The following BICRA variants were observed in gnomAD, a reference collection of about 807,000 sequenced individuals.
The protein encoded by BICRA is BRD4-interacting chromatin-remodeling complex-associated protein.
BICRA carries 31 observed loss-of-function variants against 96.9 expected under a neutral mutation model. The observed-to-expected ratio is 0.32, with a 90% CI of 0.24 to 0.43. BICRA has a LOEUF of 0.43. Ranked by LOEUF, BICRA falls within the 20% of genes least tolerant of loss-of-function variation. The pLI is 1.00. For missense variants in BICRA, 2,283 were observed against 2,190.3 expected (o/e 1.04, Z -0.84); for synonymous variants, 1,350 against 1,071.8 (o/e 1.26, Z -5.07).
intron 2 of BICRA, among the ~76,000 whole-genome samples, chr19:47,671,525 A>G (rs929833): frequency 0.32 from 48,743 of 151,882 alleles, 9,888 homozygotes; most frequent in African/African-American, 0.57. Flanking sequence ...AGGAGACGGG[A>G]GCAGAGGGTG....
chr19:47,635,249 ATTTTTTTTT>A lies in BICRA; in HGVS notation c.-108+26089_-108+26097del, dbSNP rs373765609. Among the ~76,000 whole-genome samples, 22 of 137,242 alleles carry A rather than the reference ATTTTTTTTT, an allele frequency of 1.6e-4. No homozygotes were observed. The East Asian group carries it at 4.8e-3, about 30-fold the overall frequency. 90.0% of individuals were successfully genotyped at this position (137,242 alleles called of 152,430 possible). On this transcript the variant is annotated intron_variant, in intron 1 of 14. Coordinates refer to ENST00000594866, the MANE Select transcript of BICRA (RefSeq NM_001394372.1). ...ATCATCACTACTGTCCATTTCTAGG[ATTTTTTTTT>A]TTTTTTTGAGACCGGGTCTGGCTCT... is the stretch of plus-strand genomic sequence containing the variant.
intron 2 of BICRA, among the ~76,000 whole-genome samples, chr19:47,671,537 A>C (rs540496720): frequency 6.6e-6 from 1 of 152,156 alleles, no homozygotes; most frequent in African/African-American, 2.4e-5. Context: ...CAGAGGGTGC[A>C]GGAAGTAATG....
chr19:47,614,387 T>G (rs1396152167), intron 1 of BICRA, among the ~76,000 whole-genome samples: 1 of 152,176 alleles, frequency 6.6e-6, no homozygotes, highest in Non-Finnish European at 1.5e-5. Context: ...GAGGCTGAAG[T>G]GGGCAGATCA....
At chr19:47,681,316 C>T (rs1048088951) in intron 6 of BICRA, 40 bp downstream of exon 6, 10 of 1,526,144 alleles carry the variant, frequency 6.6e-6, no homozygotes, top group African/African-American at 4.1e-5. Context: ...CCGGAGGAGG[C>T]GGGTTTGGGA....
At chr19:47,641,070 A>ATTT (rs71180861) in intron 1 of BICRA, among the ~76,000 whole-genome samples, 5,614 of 104,248 alleles carry the variant, frequency 0.054, 182 homozygotes, top group East Asian at 0.1. Context: ...TGCCTGGCTA[A>ATTT]TTTTTTTTTT....
intron 1 of BICRA, among the ~76,000 whole-genome samples, chr19:47,637,879 T>C (rs1232773860): frequency 6.6e-6 from 1 of 152,200 alleles, no homozygotes; most frequent in Non-Finnish European, 1.5e-5. Context: ...TCATTCCTTT[T>C]TATGGCTGAA....
At chr19:47,687,894 A>C (rs1973183558) in intron 7 of BICRA, among the ~76,000 whole-genome samples, 1 of 151,958 alleles carries the variant, frequency 6.6e-6, no homozygotes, top group African/African-American at 2.4e-5. Context: ...AAATTTCTAG[A>C]AATAGAATTG....
Position 47,694,422 on chromosome 19 carries a change from C to T in BICRA, c.2591C>T (p.Pro864Leu). The T allele has an allele frequency of 9.3e-7, 1 of 1,070,610 alleles. No individual in the cohort carries two copies. Among genetic ancestry groups the T allele is most frequent in the South Asian group, 1.3e-5 (1 of 75,352 alleles). 66.3% of individuals were successfully genotyped at this position (1,070,610 alleles called of 1,614,324 possible). A position where few individuals can be genotyped will look rare whatever the true frequency, so the allele number is the denominator to read the frequency against. Residue 864 changes from proline to leucine, a missense_variant, in exon 8 of 15, where the codon CCC (proline) becomes CTC (leucine). Coordinates refer to ENST00000594866, the MANE Select transcript of BICRA (RefSeq NM_001394372.1). ...GGCCCGCCGCAGCCGCCTCTCCGCC[C>T]CCAGTCCCAGCCGCCTGAGGGACCG... ...APGPPQPPLR[P>L]QSQPPEGPLP...
chr19:47,681,857 C>A, intron 6 of BICRA, 119 bp from the exon 7 acceptor site: 1 of 717,480 alleles, frequency 1.4e-6, no homozygotes, highest in Non-Finnish European at 2.2e-6. Context: ...GCCTGCCAGG[C>A]TGCCCACTAC....
chr19:47,637,083 C>A (rs943286438), intron 1 of BICRA, among the ~76,000 whole-genome samples: 1 of 152,116 alleles, frequency 6.6e-6, no homozygotes, highest in Non-Finnish European at 1.5e-5. Flanking sequence ...TCATTTTTGA[C>A]ATGCCATCTA....
chr19:47,660,078 A>G (rs1347015666), intron 1 of BICRA, among the ~76,000 whole-genome samples: 2 of 152,152 alleles, frequency 1.3e-5, no homozygotes, highest in Non-Finnish European at 2.9e-5. Flanking sequence ...CAGGATCTTA[A>G]AACAGAAAAC....
chr19:47,631,951 TC>T (rs1252544496), intron 1 of BICRA, among the ~76,000 whole-genome samples: 3 of 152,212 alleles, frequency 2.0e-5, no homozygotes, highest in Non-Finnish European at 4.4e-5. Context: ...GCCCGGCCTT[TC>T]CCTGCTTCTT....
chr19:47,656,373 A>G (rs536478796), intron 1 of BICRA, among the ~76,000 whole-genome samples: 32 of 152,310 alleles, frequency 2.1e-4, no homozygotes, highest in Non-Finnish European at 3.5e-4. Context: ...TAATGAATCA[A>G]AACTATACAT....
intron 1 of BICRA, among the ~76,000 whole-genome samples, chr19:47,659,137 T>C (rs1568560749): frequency 1.3e-5 from 2 of 152,206 alleles, no homozygotes; most frequent in African/African-American, 4.8e-5. Context: ...AGAAGATGCA[T>C]AAAACATTTC....
intron 1 of BICRA, among the ~76,000 whole-genome samples, chr19:47,668,305 T>C (rs563829064): frequency 9.2e-5 from 14 of 152,194 alleles, no homozygotes; most frequent in African/African-American, 2.9e-4. Context: ...CTTGCGAACA[T>C]TGGTAACCCC....
chr19:47,672,131 GAT>G, intron 2 of BICRA, among the ~76,000 whole-genome samples: 1 of 83,616 alleles, frequency 1.2e-5, no homozygotes, highest in Admixed American at 1.3e-4. Flanking sequence ...TGGGTAGGTA[GAT>G]GGATGGAAGG....
At chr19:47,646,759 TCA>T (rs1337369238) in intron 1 of BICRA, among the ~76,000 whole-genome samples, 1 of 152,220 alleles carries the variant, frequency 6.6e-6, no homozygotes, top group East Asian at 1.9e-4. Flanking sequence ...AGTAACACTC[TCA>T]CACACAGTTA....
chr19:47,614,404 G>A (rs1318956721), intron 1 of BICRA, among the ~76,000 whole-genome samples: 1 of 152,208 alleles, frequency 6.6e-6, no homozygotes, highest in Non-Finnish European at 1.5e-5. Context: ...ATCACCTGCG[G>A]TCAGGAGTTC....
chr19:47,624,429 C>T (rs1599787720), intron 1 of BICRA, among the ~76,000 whole-genome samples: 1 of 152,082 alleles, frequency 6.6e-6, no homozygotes, highest in Non-Finnish European at 1.5e-5. Context: ...CCAGTGGATA[C>T]AAAAGTTACG....
Sources: gnomAD v4.1 joint callset for allele counts (sites outside exome capture counted in the v4.1 genomes callset) on GRCh38, gnomAD v4.1.1 for gene constraint, MANE v1.5 for transcripts, NCBI Gene and HGNC (gene_info 2026-07-23, HGNC 2026-07-21) for gene names.